Variants in SRRM2 observed in about 807,000 individuals in gnomAD.
The protein encoded by SRRM2 is serine/arginine repetitive matrix protein 2.
In SRRM2, 30 loss-of-function variants were observed where a neutral mutation model predicts 213.8. The observed-to-expected ratio is 0.14, with a 90% CI of 0.10 to 0.19. SRRM2 has a LOEUF of 0.19. Among genes scored for constraint, SRRM2 ranks in the 10% least tolerant of loss-of-function variants. The pLI is 1.00. For missense variants in SRRM2, 4,904 were observed against 3,647.0 expected (o/e 1.34, Z -8.88); for synonymous variants, 2,025 against 1,377.7 (o/e 1.47, Z -10.40).
At chr16:2,758,598 G>T (rs1479891615) in intron 5 of SRRM2, 51 bp downstream of exon 5, 3 of 1,539,438 alleles carry the variant, frequency 1.9e-6, no homozygotes, top group Non-Finnish European at 2.7e-6. Context: ...ATCCTGTGGT[G>T]TACCTTTCTC....
chr16:2,771,296 A>G lies in SRRM2; in HGVS notation c.*429A>G, dbSNP rs901049246. On this transcript the variant is annotated 3_prime_UTR_variant, in exon 15 of 15. Transcript: ENST00000301740. ...AATTAGTTGGTCCCTACTGTCCCCC[A>G]TGAGGTTGTGAACCCCTCCCCCCAA... 3.0e-6 allele frequency: 3 copies of G among 986,120 alleles called. No individual in the cohort carries two copies. The highest frequency in any genetic ancestry group is 1.6e-5 in the African/African-American group (1 of 62,940). The allele number at this position is 986,120 out of a possible 1,614,324, so 61.1% of individuals were successfully genotyped here.
At chr16:2,758,092 G>T (rs749947938) in intron 4 of SRRM2, 147 bp downstream of exon 4, 30 of 976,776 alleles carry the variant, frequency 3.1e-5, no homozygotes, top group Non-Finnish European at 4.5e-5. Context: ...ATGTGTCCAA[G>T]GGTTAGTCAC....
In SRRM2 at chr16:2,765,186, C is replaced by T; in HGVS notation, c.4658C>T (p.Pro1553Leu). ...QELDVKPSAS[P>L]QERSESDSSP... is the part of the protein sequence containing the mutation. ...CTTGATGTGAAACCCAGTGCATCCC[C>T]TCAGGAAAGAAGTGAGTCAGACTCT... The change falls in exon 11 of 15, where the codon CCT becomes CTT. Residue 1553 changes from proline (P) to leucine (L), a missense_variant. Transcript: ENST00000301740. The T allele has an allele frequency of 3.1e-6, 5 of 1,614,216 alleles. No individual in the cohort carries two copies. The highest frequency in any genetic ancestry group is 1.1e-5 in the South Asian group (1 of 91,078).
intron 11 of SRRM2, chr16:2,768,670 C>G (rs996934680): frequency 1.5e-6 from 1 of 653,460 alleles, no homozygotes; most frequent in Admixed American, 2.1e-5. Context: ...TCACAGGGGC[C>G]TCCCCAAGCT....
intron 11 of SRRM2, chr16:2,768,751 T>A (rs1320027161): frequency 1.3e-6 from 1 of 760,394 alleles, no homozygotes; most frequent in East Asian, 2.7e-5. Flanking sequence ...TATTCCTCCA[T>A]CAGGGACATT....
Position 2,771,015 on chromosome 16 carries a change from T to C in SRRM2, c.*148T>C, listed in dbSNP as rs770183962. The C allele has an allele frequency of 9.0e-6, 8 of 888,542 alleles. No individual in the cohort carries two copies. The highest frequency in any genetic ancestry group is 1.2e-5 in the Non-Finnish European group (7 of 591,242). 55.0% of individuals were successfully genotyped at this position (888,542 alleles called of 1,614,324 possible). A position where few individuals can be genotyped will look rare whatever the true frequency, so the allele number is the denominator to read the frequency against. On this transcript the variant is annotated 3_prime_UTR_variant, in exon 15 of 15. Transcript: ENST00000301740. ...TGGAGGGCTCCCTTTCCCTCCCCTT[T>C]TTTTTTTCTTTGTTCCTGTGAAATG...
intron 14 of SRRM2, 43 bp from the exon 15 acceptor site, chr16:2,770,815 G>C: frequency 6.2e-7 from 1 of 1,613,646 alleles, no homozygotes; most frequent in Non-Finnish European, 8.5e-7. Flanking sequence ...GGCCTTGAGG[G>C]CTGGGGTGGG....
rs1193297625 is a variant in SRRM2, at chr16:2,760,544, G to C, written c.1032+45G>C. On this transcript the variant is annotated intron_variant, in intron 10 of 14. Coordinates refer to ENST00000301740, the MANE Select transcript of SRRM2 (RefSeq NM_016333.4). ...ATGTTCATTGGATTGCAAATGTATA[G>C]ATTTAGGATAGACATGTGATGTGAA... 4 of 1,601,260 alleles carry C rather than the reference G, an allele frequency of 2.5e-6. No individual in the cohort carries two copies. In the Admixed American group the frequency reaches 5.0e-5, roughly 20 times the overall value.
chr16:2,758,546 C>G lies in SRRM2; in HGVS notation c.592C>G (p.Arg198Gly). Residue 198 changes from arginine (R) to glycine (G), a missense_variant and splice_region_variant, in exon 5 of 15, where the codon CGC becomes GGC. By Grantham distance (125) the Arg-to-Gly change is moderately radical. Coordinates refer to ENST00000301740, the MANE Select transcript of SRRM2 (RefSeq NM_016333.4). Reference sequence around the variant, plus strand: ...GAAGAAAAAGAAGAAAGATAGAGGACGGTAAGTTAGTTGGAAAGTGACTCT... The same window carrying G: ...GAAGAAAAAGAAGAAAGATAGAGGAGGGTAAGTTAGTTGGAAAGTGACTCT... ...KKKKKKKDRG[R>G]RSESSSPRRE... is the part of the protein sequence containing the mutation. The G allele has an allele frequency of 6.2e-7, 1 of 1,613,774 alleles. No individual in the cohort carries two copies. Among genetic ancestry groups the G allele is most frequent in the South Asian group, 1.1e-5 (1 of 91,068 alleles).
intron 5 of SRRM2, 79 bp downstream of exon 5, chr16:2,758,626 C>G (rs1455599135): frequency 6.9e-5 from 95 of 1,384,044 alleles, no homozygotes; most frequent in Non-Finnish European, 9.2e-5. Flanking sequence ...GTGGACAGTT[C>G]TGGCTTCCAC....
intron 7 of SRRM2, 68 bp downstream of exon 7, chr16:2,759,240 A>G: frequency 1.2e-6 from 2 of 1,604,602 alleles, no homozygotes; most frequent in Non-Finnish European, 1.7e-6. Context: ...TCTTGGAGTG[A>G]AGCTCAATTC....
chr16:2,763,560 G>T lies in SRRM2; in HGVS notation c.3032G>T (p.Gly1011Val), dbSNP rs756807078. 6.2e-7 allele frequency: 1 copy of T among 1,614,112 alleles called. No homozygotes were observed. The highest frequency in any genetic ancestry group is 1.1e-5 in the South Asian group (1 of 91,074). Reference sequence around the variant, plus strand: ...ACTCCACCGGGGCCAAGTCTTTCTGGATCAAAGTCACCATGTCCCCAAGAG... The same window carrying T: ...ACTCCACCGGGGCCAAGTCTTTCTGTATCAAAGTCACCATGTCCCCAAGAG... The part of the protein sequence containing the change: ...AQTPPGPSLS[G>V]SKSPCPQEKS... The change falls in exon 11 of 15, where the codon GGA (glycine) becomes GTA (valine). Residue 1011 changes from glycine to valine, a missense_variant. Gly to Val is a moderately radical substitution (Grantham distance 109). Coordinates refer to ENST00000301740, the MANE Select transcript of SRRM2 (RefSeq NM_016333.4).
rs769133023 is a variant in SRRM2 at position 2,763,165 on chromosome 16, T to C, written c.2637T>C (p.Pro879=). The change falls in exon 11 of 15, where the codon CCT becomes CCC. Residue 879 remains proline, a synonymous_variant. Coordinates refer to ENST00000301740, the MANE Select transcript of SRRM2 (RefSeq NM_016333.4). ...GCTGTTTTGAATCATCACCTGACCC[T>C]GAGTTGAAATCTAGGACCCCTTCTA... The part of the protein sequence containing the change: ...RRSCFESSPD[P]ELKSRTPSRH... The C allele has an allele frequency of 1.9e-6, 3 of 1,614,116 alleles. No individual in the cohort carries two copies. The highest frequency in any genetic ancestry group is 2.2e-5 in the South Asian group (2 of 91,078).
Position 2,764,025 on chromosome 16 carries a change from A to G in SRRM2, c.3497A>G (p.Glu1166Gly). ...AGATTGGAGACTGCTGAATCAAAAG[A>G]GAAAATGGCCTTACCCCCTCAGGAG... ...QSRLETAESK[E>G]KMALPPQEDA... Residue 1166 changes from glutamate (E) to glycine (G), a missense_variant, in exon 11 of 15, where the codon GAG becomes GGG. Transcript: ENST00000301740. 6.2e-7 allele frequency: 1 copy of G among 1,614,226 alleles called. No individual in the cohort carries two copies. Among genetic ancestry groups the G allele is most frequent in the South Asian group, 1.1e-5 (1 of 91,088 alleles).
chr16:2,755,053 C>T (rs1050921515), intron 1 of SRRM2, among the ~76,000 whole-genome samples: 1 of 152,208 alleles, frequency 6.6e-6, no homozygotes, highest in African/African-American at 2.4e-5. Context: ...ATTACTCTCT[C>T]CGCTTTACGT....
chr16:2,756,299 A>G (rs2068137366), intron 1 of SRRM2, 35 bp from the exon 2 acceptor site: 4 of 1,480,296 alleles, frequency 2.7e-6, no homozygotes, highest in Admixed American at 2.4e-5. Context: ...GTTTGGGGCC[A>G]GGGGCCTGAC....
In SRRM2 at chr16:2,766,964, A is replaced by T; in HGVS notation, c.6436A>T (p.Met2146Leu). Residue 2146 changes from methionine (M) to leucine (L), a missense_variant, in exon 11 of 15, where the codon ATG (methionine) becomes TTG (leucine). Physicochemically the swap from Met to Leu is conservative, Grantham distance 15 (BLOSUM62 2). Transcript: ENST00000301740. This position sits in a 1 kb window ranked among gnomAD's most constrained non-coding sequence, Gnocchi z 7.0. ...LEPLGSSRTP[M>L]SVLQQAGGSM... ...ACCCCTTGGCAGCTCTAGAACACCC[A>T]TGTCTGTCCTGCAGCAAGCCGGCGG... is the stretch of plus-strand genomic sequence containing the variant. 1 of 1,614,094 alleles carries T rather than the reference A, an allele frequency of 6.2e-7. No homozygotes were observed. Among genetic ancestry groups the T allele is most frequent in the Non-Finnish European group, 8.5e-7 (1 of 1,180,026 alleles).
chr16:2,767,614 C>A lies in SRRM2; in HGVS notation c.7086C>A (p.Ala2362=). The change falls in exon 11 of 15, where the codon GCC becomes GCA. Residue 2362 remains alanine, a synonymous_variant. Coordinates refer to ENST00000301740, the MANE Select transcript of SRRM2 (RefSeq NM_016333.4). The part of the protein sequence containing the change: ...IAGSRTAAAL[A]PASLTSARMA... ...GCTCCAGAACCGCCGCAGCCTTGGC[C>A]CCCGCGAGCCTCACCAGTGCTAGGA... 6.2e-7 allele frequency: 1 copy of A among 1,614,188 alleles called. No individual in the cohort carries two copies. The highest frequency in any genetic ancestry group is 8.5e-7 in the Non-Finnish European group (1 of 1,180,032).
chr16:2,758,361 A>C, intron 4 of SRRM2, 109 bp from the exon 5 acceptor site: 1 of 1,049,550 alleles, frequency 9.5e-7, no homozygotes, highest in Non-Finnish European at 1.4e-6. Context: ...ACAGAGCGAG[A>C]CTCTTATTTT....
Sources: allele counts gnomAD v4.1 joint callset (sites outside exome capture counted in the v4.1 genomes callset), GRCh38; gene constraint gnomAD v4.1.1; non-coding constraint Gnocchi (gnomAD v3.1); transcripts MANE v1.5; gene names NCBI Gene and HGNC (gene_info 2026-07-23, HGNC 2026-07-21).